The following ERICH1 variants were observed in gnomAD, a reference collection of about 807,000 sequenced individuals.
The protein encoded by ERICH1 is glutamate-rich protein 1.
In ERICH1, 56 loss-of-function variants were observed where a neutral mutation model predicts 39.6. The observed-to-expected ratio is 1.41, with a 90% CI of 1.14 to 1.77. The LOEUF is 1.77. Ranked by LOEUF, ERICH1 falls within the 40% of genes most tolerant of loss-of-function variation. The pLI is 0.00. For missense variants in ERICH1, 826 were observed against 575.4 expected (o/e 1.44, Z -4.45); for synonymous variants, 313 against 223.6 (o/e 1.40, Z -3.57).
intron 2 of ERICH1, 77 bp from the exon 3 acceptor site, chr8:692,689 G>C: frequency 7.1e-7 from 1 of 1,416,352 alleles, no homozygotes; most frequent in Non-Finnish European, 9.4e-7. Context: ...GATTACATCG[G>C]CATTGTTTCT....
chr8:697,751 C>T (rs987619544), intron 2 of ERICH1, among the ~76,000 whole-genome samples: 26 of 152,154 alleles, frequency 1.7e-4, no homozygotes, highest in East Asian at 3.9e-4. Context: ...GGGACTTCAG[C>T]TGTCAGCACA....
rs1262493067 is a variant in ERICH1 at position 701,245 on chromosome 8, A to G, written c.170-8633T>C. On this transcript the variant is annotated intron_variant, in intron 2 of 5. Transcript: ENST00000262109. The stretch of plus-strand genomic sequence containing the variant: ...GGGAGCACGCCGTACCCACGGGTCT[A>G]CCCTGCTGGACGGGAGCACGCCGTA... Among the ~76,000 whole-genome samples, 208 of 132,176 alleles carry G rather than the reference A, an allele frequency of 1.6e-3. 1 individual carries two copies. The highest frequency in any genetic ancestry group is 5.2e-3 in the African/African-American group (179 of 34,306). 86.7% of individuals were successfully genotyped at this position (132,176 alleles called of 152,430 possible).
chr8:700,371 AG>A lies in ERICH1; in HGVS notation c.170-7760del, dbSNP rs1176844055. Among the ~76,000 whole-genome samples, 22 of 92,628 alleles carry A rather than the reference AG, an allele frequency of 2.4e-4. 3 individuals are homozygous for A. Among genetic ancestry groups the A allele is most frequent in the East Asian group, 6.5e-4 (2 of 3,056 alleles). The allele number at this position is 92,628 out of a possible 152,430, so 60.8% of individuals were successfully genotyped here. A position where few individuals can be genotyped will look rare whatever the true frequency, so the allele number is the denominator to read the frequency against. The stretch of plus-strand genomic sequence containing the variant: ...TCCGCACACGCGCACAGGCCCGCAC[AG>A]GCGCACAGGCCCGCACACGCGCACA... On this transcript the variant is annotated intron_variant, in intron 2 of 5. Coordinates refer to ENST00000262109, the MANE Select transcript of ERICH1 (RefSeq NM_207332.3).
At chr8:673,138 TA>T (rs1803820738) in intron 4 of ERICH1, 150 bp downstream of exon 4, 3 of 982,920 alleles carry the variant, frequency 3.1e-6, no homozygotes, top group Non-Finnish European at 2.9e-6. Flanking sequence ...TTACATTGAA[TA>T]TTTTTTACTT....
chr8:713,751 T>C (rs992555998), intron 2 of ERICH1, among the ~76,000 whole-genome samples: 1 of 152,080 alleles, frequency 6.6e-6, no homozygotes, highest in South Asian at 2.1e-4. Flanking sequence ...GGTGCGCAGC[T>C]CCATTATAAG....
At chr8:730,634 T>C (rs2132520820) in intron 1 of ERICH1, among the ~76,000 whole-genome samples, 1 of 152,314 alleles carries the variant, frequency 6.6e-6, no homozygotes, top group Non-Finnish European at 1.5e-5. Context: ...CAGAATTTAA[T>C]AAGCACTAGG....
In ERICH1 at chr8:668,628, T is replaced by C. The variant is rs781002943; in HGVS notation, c.1228A>G (p.Met410Val). 6 of 1,614,234 alleles carry C rather than the reference T, an allele frequency of 3.7e-6. No homozygotes were observed. Among genetic ancestry groups the C allele is most frequent in the South Asian group, 1.1e-5 (1 of 91,084 alleles). The change falls in exon 5 of 6, where the codon ATG (methionine) becomes GTG (valine). Residue 410 changes from methionine (M) to valine (V), a missense_variant. Transcript: ENST00000262109. ...GGCATCGTGCAATGTTCTGGGAACA[T>C]TTCCAGAGCATGCTTCAATCTCTCA... is the stretch of plus-strand genomic sequence containing the variant. ...DTERLKHALE[M>V]FPEHCTMPPD...
rs148550508 is a variant in ERICH1 at position 647,464 on chromosome 8, A to G, written c.976+21134T>C. 1.6e-3 allele frequency among the ~76,000 whole-genome samples: 111 copies of G among 68,056 alleles called. 42 individuals carry two copies. Among genetic ancestry groups the G allele is most frequent in the African/African-American group, 3.3e-3 (85 of 26,112 alleles). The allele number at this position is 68,056 out of a possible 152,430, so 44.6% of individuals were successfully genotyped here. A position where few individuals can be genotyped will look rare whatever the true frequency, so the allele number is the denominator to read the frequency against. Reference sequence around the variant, plus strand: ...AATTTTACCTTGGCACTGGACCTATACAAGGATAGACATTTGTATGTACGA... The same window carrying G: ...AATTTTACCTTGGCACTGGACCTATGCAAGGATAGACATTTGTATGTACGA... On this transcript the variant is annotated intron_variant, in intron 3 of 3. Coordinates refer to the ERICH1 transcript ENST00000522706.
chr8:715,065 G>A (rs189358122), intron 2 of ERICH1, among the ~76,000 whole-genome samples: 10 of 149,470 alleles, frequency 6.7e-5, no homozygotes, highest in South Asian at 2.1e-4. Flanking sequence ...GGGATGTGCC[G>A]CACCCAGGTG....
intron 3 of ERICH1, chr8:615,320 A>G (rs1438917929): frequency 6.2e-6 from 4 of 646,782 alleles, no homozygotes; most frequent in African/African-American, 5.5e-5. Context: ...AGTTGTGTTC[A>G]TCATTTTAAT....
At chr8:653,455 T>G (rs1800230554) in intron 3 of ERICH1, among the ~76,000 whole-genome samples, 1 of 152,204 alleles carries the variant, frequency 6.6e-6, no homozygotes, top group South Asian at 2.1e-4. Context: ...ATAAGGCAAA[T>G]GCCAACCTGG....
chr8:633,610 C>G (rs986180128), intron 3 of ERICH1, among the ~76,000 whole-genome samples: 1 of 152,178 alleles, frequency 6.6e-6, no homozygotes, highest in Non-Finnish European at 1.5e-5. Flanking sequence ...AAGCTGGAGA[C>G]TCACATTTCC....
At chr8:654,543 A>C (rs1266380138) in intron 3 of ERICH1, among the ~76,000 whole-genome samples, 1 of 152,226 alleles carries the variant, frequency 6.6e-6, no homozygotes, top group African/African-American at 2.4e-5. Context: ...TATGTATGCC[A>C]TACATCAAAA....
At chr8:725,023 G>A (rs539534997) in intron 1 of ERICH1, among the ~76,000 whole-genome samples, 2 of 152,160 alleles carry the variant, frequency 1.3e-5, no homozygotes, top group African/African-American at 2.4e-5. Flanking sequence ...ACACCCTGAC[G>A]CAGTGATGCC....
In ERICH1 at chr8:651,145, A is replaced by C. The variant is rs1799896051; in HGVS notation, c.976+17453T>G. 2.6e-5 allele frequency among the ~76,000 whole-genome samples: 4 copies of C among 152,244 alleles called. 1 individual carries two copies. The South Asian group carries it at 8.3e-4, about 32-fold the overall frequency. ...CAACATTGATACTGCATTTCAGTTA[A>C]GTTGAATTAGACACTGCAAGTCAAT... On this transcript the variant is annotated intron_variant, in intron 3 of 3. Coordinates refer to the ERICH1 transcript ENST00000522706.
chr8:700,390 C>G (rs536509206), intron 2 of ERICH1, among the ~76,000 whole-genome samples: 29 of 52,890 alleles, frequency 5.5e-4, no homozygotes, highest in African/African-American at 1.1e-3. Flanking sequence ...GGCCCGCACA[C>G]GCGCACAGGC....
chr8:712,467 T>TAAC (rs748876494), intron 2 of ERICH1, among the ~76,000 whole-genome samples: 202 of 152,346 alleles, frequency 1.3e-3, no homozygotes, highest in South Asian at 2.7e-3. Flanking sequence ...TCTTGCTCTG[T>TAAC]TGCCCAGGCT....
chr8:661,697 T>C (rs112502689), downstream of ERICH1, among the ~76,000 whole-genome samples: 561 of 152,380 alleles, frequency 3.7e-3, 4 homozygotes, highest in African/African-American at 0.013. Flanking sequence ...TATTTGCTTT[T>C]GTTTTGTAGA....
At chr8:684,536 C>A (rs1389560598) in intron 3 of ERICH1, among the ~76,000 whole-genome samples, 1 of 152,160 alleles carries the variant, frequency 6.6e-6, no homozygotes, top group Admixed American at 6.5e-5. Flanking sequence ...CGCTCATTTA[C>A]TTCACGGGTT....
Sources: allele counts gnomAD v4.1 joint callset (sites outside exome capture counted in the v4.1 genomes callset), GRCh38; gene constraint gnomAD v4.1.1; transcripts MANE v1.5; gene names NCBI Gene and HGNC (gene_info 2026-07-23, HGNC 2026-07-21).